SPTBN1: variants seen among roughly 807,000 people sequenced by gnomAD.
SPTBN1 encodes spectrin beta, non-erythrocytic 1.
In SPTBN1, 32 loss-of-function variants were observed where a neutral mutation model predicts 266.4. That is an observed-to-expected ratio of 0.12 (90% CI 0.09 to 0.16). The LOEUF is 0.16. Ranked by LOEUF, SPTBN1 falls within the 10% of genes least tolerant of loss-of-function variation. The pLI is 1.00. For synonymous variants in SPTBN1, 1,336 were observed against 1,162.2 expected (o/e 1.15, Z -3.04); for missense variants, 2,296 against 3,067.1 (o/e 0.75, Z 5.94).
Position 54,626,255 on chromosome 2 carries a change from A to G in SPTBN1, c.1644+21A>G, listed in dbSNP as rs1161748593. 3.1e-6 allele frequency: 5 copies of G among 1,604,214 alleles called. No individual in the cohort carries two copies. Among genetic ancestry groups the G allele is most frequent in the East Asian group, 4.5e-5 (2 of 44,674 alleles). ...TGAAGGTAAAACCTGACCGAAAGGA[A>G]GGACGACAGAGCTGATCCAACCAGG... is the stretch of plus-strand genomic sequence containing the variant. On this transcript the variant is annotated intron_variant, in intron 12 of 35. Coordinates refer to ENST00000356805, the MANE Select transcript of SPTBN1 (RefSeq NM_003128.3). The surrounding 1 kb of genome is among the most constrained non-coding windows in gnomAD (Gnocchi z 4.7).
chr2:54,504,418 C>T (rs1669444137), intron 1 of SPTBN1, among the ~76,000 whole-genome samples: 1 of 152,186 alleles, frequency 6.6e-6, no homozygotes, highest in African/African-American at 2.4e-5. Flanking sequence ...AGCTGGCCCC[C>T]TGTATCCATG....
intron 3 of SPTBN1, among the ~76,000 whole-genome samples, chr2:54,602,600 C>A (rs935968140): frequency 2.8e-4 from 43 of 152,156 alleles, no homozygotes; most frequent in African/African-American, 1.0e-3. Context: ...AACAACTCTG[C>A]CCTCCCCCAA....
rs201464278 is a variant in SPTBN1 at position 54,522,693 on chromosome 2, G to A, written c.-47-3679G>A. Among the ~76,000 whole-genome samples the A allele has an allele frequency of 4.9e-4, 26 of 52,600 alleles. 1 individual carries two copies. The highest frequency in any genetic ancestry group is 1.1e-3 in the East Asian group (2 of 1,796). The allele number at this position is 52,600 out of a possible 152,430, so 34.5% of individuals were successfully genotyped here. On this transcript the variant is annotated intron_variant, in intron 1 of 35. Transcript: ENST00000356805. Reference sequence around the variant, plus strand: ...GAGAGAGAGAGGAGAGAGAGAGAGAGAGAGAGAAAGAAAGAAAGGAAAGAA... The same window carrying A: ...GAGAGAGAGAGGAGAGAGAGAGAGAAAGAGAGAAAGAAAGAAAGGAAAGAA...
intron 2 of SPTBN1, among the ~76,000 whole-genome samples, chr2:54,572,424 CG>C (rs1419953494): frequency 1.3e-5 from 2 of 152,116 alleles, no homozygotes; most frequent in Non-Finnish European, 2.9e-5. Flanking sequence ...TTTCTAACCG[CG>C]AGTGTCTTTG....
intron 1 of SPTBN1, among the ~76,000 whole-genome samples, chr2:54,462,994 G>A (rs1693444341): frequency 6.6e-6 from 1 of 152,204 alleles, no homozygotes; most frequent in African/African-American, 2.4e-5. Flanking sequence ...TAAATTCTGT[G>A]ATTATAAGAT....
intron 26 of SPTBN1, among the ~76,000 whole-genome samples, chr2:54,651,058 T>A (rs1309954054): frequency 1.3e-5 from 2 of 152,246 alleles, no homozygotes; most frequent in East Asian, 1.9e-4. Flanking sequence ...GCAAAACATA[T>A]GACATAGTGA....
intron 2 of SPTBN1, chr2:54,557,836 C>A (rs1021724298): frequency 6.0e-5 from 59 of 985,298 alleles, no homozygotes; most frequent in Admixed American, 4.9e-4. Flanking sequence ...CTTACACCTC[C>A]CCTGGCTGTG....
chr2:54,644,085 C>T (rs1679761598), intron 19 of SPTBN1, among the ~76,000 whole-genome samples: 1 of 152,128 alleles, frequency 6.6e-6, no homozygotes, highest in South Asian at 2.1e-4. Context: ...ATTCCGTTGC[C>T]CCAGTTGAGA....
At chr2:54,489,713 A>G (rs1203743084) in intron 1 of SPTBN1, among the ~76,000 whole-genome samples, 1 of 152,200 alleles carries the variant, frequency 6.6e-6, no homozygotes, top group South Asian at 2.1e-4. Flanking sequence ...AAAAAAACCC[A>G]AAAATCACAA....
chr2:54,647,033 A>C, intron 23 of SPTBN1, 98 bp from the exon 24 acceptor site: 1 of 1,572,642 alleles, frequency 6.4e-7, no homozygotes. Flanking sequence ...CTTTCTACTG[A>C]TCCTTCCTCC....
Position 54,653,652 on chromosome 2 carries a change from A to G in SPTBN1, c.5621A>G (p.Tyr1874Cys). Residue 1874 changes from tyrosine to cysteine, a missense_variant, in exon 27 of 36, where the codon TAT (tyrosine) becomes TGT (cysteine). This residue lies in a region of SPTBN1 where 644 missense variants were observed against 745.3 expected (regional missense o/e 0.86). Transcript: ENST00000356805. This position sits in a 1 kb window ranked among gnomAD's most constrained non-coding sequence, Gnocchi z 5.1. ...GATGCAGCCCGCCTCCAGGCGGCCT[A>G]TGCGGGTGACAAGGCCGACGATATC... ...QEDAARLQAA[Y>C]AGDKADDIQK... 2.5e-6 allele frequency: 4 copies of G among 1,614,094 alleles called. No homozygotes were observed. The highest frequency in any genetic ancestry group is 3.4e-6 in the Non-Finnish European group (4 of 1,180,014).
At chr2:54,658,368 AG>A (rs1238747155) in intron 30 of SPTBN1, among the ~76,000 whole-genome samples, 2 of 152,074 alleles carry the variant, frequency 1.3e-5, no homozygotes, top group African/African-American at 4.8e-5. Flanking sequence ...TTTGTTCTCA[AG>A]GGGGCATGGC....
At chr2:54,563,824 G>C (rs532007417) in intron 2 of SPTBN1, among the ~76,000 whole-genome samples, 2 of 151,860 alleles carry the variant, frequency 1.3e-5, no homozygotes, top group Middle Eastern at 3.2e-3. Context: ...GGCTGGTCTC[G>C]AACTCCTGAC....
chr2:54,507,070 A>G (rs1669610307), intron 1 of SPTBN1, among the ~76,000 whole-genome samples: 1 of 152,224 alleles, frequency 6.6e-6, no homozygotes, highest in Middle Eastern at 3.4e-3. Flanking sequence ...CACAAAGTAC[A>G]TTCTCAAGGG....
In SPTBN1 at chr2:54,576,132, G is replaced by A. The variant is rs373634490; in HGVS notation, c.149-22960G>A. ...TGCAATGGTGCGATCTCGGCTCACTGCAACCTCTGCCTCCTGGGTTCAAGC... is the reference window on the plus strand; with the variant it reads ...TGCAATGGTGCGATCTCGGCTCACTACAACCTCTGCCTCCTGGGTTCAAGC... On this transcript the variant is annotated intron_variant, in intron 2 of 35. Coordinates refer to ENST00000356805, the MANE Select transcript of SPTBN1 (RefSeq NM_003128.3). Among the ~76,000 whole-genome samples, 491 of 142,528 alleles carry A rather than the reference G, an allele frequency of 3.4e-3. 2 individuals carry two copies. Among genetic ancestry groups the A allele is most frequent in the South Asian group, 0.019 (88 of 4,564 alleles). 93.5% of individuals were successfully genotyped at this position (142,528 alleles called of 152,430 possible).
chr2:54,606,912 TA>T (rs1676881257), intron 3 of SPTBN1, among the ~76,000 whole-genome samples: 1 of 152,230 alleles, frequency 6.6e-6, no homozygotes, highest in South Asian at 2.1e-4. Flanking sequence ...TACAGAATTT[TA>T]GATTAAGCCC....
intron 1 of SPTBN1, among the ~76,000 whole-genome samples, chr2:54,480,205 C>T (rs1043543123): frequency 6.6e-6 from 1 of 152,222 alleles, no homozygotes; most frequent in African/African-American, 2.4e-5. Context: ...TTAGCATCTA[C>T]ACTGGAAAGC....
chr2:54,659,998 G>C lies in SPTBN1; in HGVS notation c.6419G>C (p.Arg2140Pro). 6.2e-7 allele frequency: 1 copy of C among 1,614,132 alleles called. No homozygotes were observed. The highest frequency in any genetic ancestry group is 2.2e-5 in the East Asian group (1 of 44,880). ...NGLPAEQGSP[R>P]MAETVDTSEM... is the part of the protein sequence containing the mutation. ...TTGCCAGCTGAACAGGGATCTCCAC[G>C]GGTTAGTTACCGCTCTCAAACCTAC... is the stretch of plus-strand genomic sequence containing the variant. Residue 2140 changes from arginine (R) to proline (P), a missense_variant and splice_region_variant, in exon 32 of 36, where the codon CGG (arginine) becomes CCG (proline). Around this residue, in one of 12 missense-constraint regions of SPTBN1, gnomAD observed 347 missense variants for 368.5 expected, o/e 0.94. Transcript: ENST00000356805.
chr2:54,493,660 C>T (rs1181963278), intron 1 of SPTBN1, among the ~76,000 whole-genome samples: 5 of 152,208 alleles, frequency 3.3e-5, no homozygotes, highest in African/African-American at 9.6e-5. Flanking sequence ...CCTTGGCCTC[C>T]CAAAGTGTTG....
Sources: allele counts gnomAD v4.1 joint callset (sites outside exome capture counted in the v4.1 genomes callset), GRCh38; gene constraint gnomAD v4.1.1; regional missense constraint gnomAD v4.1.1; non-coding constraint Gnocchi (gnomAD v3.1); transcripts MANE v1.5; gene names NCBI Gene and HGNC (gene_info 2026-07-23, HGNC 2026-07-21).